The following GPC6 variants were observed in gnomAD, a reference collection of about 807,000 sequenced individuals.
GPC6 encodes glypican-6.
GPC6 carries 14 observed loss-of-function variants against 55.2 expected under a neutral mutation model. The ratio of observed to expected loss-of-function variants is 0.25; its 90% CI spans 0.17 to 0.40. The LOEUF (loss-of-function observed/expected upper bound fraction) is 0.40, where lower values mean the gene tolerates loss of function less well. Among genes scored for constraint, GPC6 ranks in the 10% least tolerant of loss-of-function variants. The pLI, the probability that GPC6 is intolerant of heterozygous loss-of-function variation, is 1.00. For missense variants in GPC6, 641 were observed against 708.5 expected, an observed-to-expected ratio of 0.90 and a Z score of 1.08; for synonymous variants, 278 against 259.6, an observed-to-expected ratio of 1.07 and a Z score of -0.68.
At chr13:93,765,041 C>T (rs1351673743) in intron 2 of GPC6, among the ~76,000 whole-genome samples, 1 of 152,108 alleles carries the variant, frequency 6.6e-6, no homozygotes, top group Non-Finnish European at 1.5e-5. Context: ...CCTCGCGATC[C>T]ACCCTCCTCA....
Position 93,445,072 on chromosome 13 carries a change from T to G in GPC6, c.161-100191T>G, listed in dbSNP as rs185190532. Among the ~76,000 whole-genome samples the G allele has an allele frequency of 1.6e-3, 246 of 152,302 alleles. 1 individual carries two copies. Among genetic ancestry groups the G allele is most frequent in the Middle Eastern group, 3.4e-3 (1 of 294 alleles). ...TCACTTGGTCTTTGTTTATGGTGAG[T>G]TGGAAGCAAACATTTCTGCTATAGT... is the stretch of plus-strand genomic sequence containing the variant. On this transcript the variant is annotated intron_variant, in intron 1 of 8. Transcript: ENST00000377047.
intron 4 of GPC6, among the ~76,000 whole-genome samples, chr13:94,061,138 T>A (rs1263274364): frequency 6.6e-6 from 1 of 152,152 alleles, no homozygotes; most frequent in Non-Finnish European, 1.5e-5. Context: ...GCCAGGTGGG[T>A]TGTAAAATAA....
intron 1 of GPC6, among the ~76,000 whole-genome samples, chr13:93,308,689 G>A (rs1453150919): frequency 6.6e-6 from 1 of 152,156 alleles, no homozygotes; most frequent in African/African-American, 2.4e-5. Flanking sequence ...TGATCTGCCC[G>A]CCTTGGCCTC....
intron 3 of GPC6, among the ~76,000 whole-genome samples, chr13:93,848,300 G>A (rs1888271387): frequency 6.6e-6 from 1 of 152,030 alleles, no homozygotes; most frequent in South Asian, 2.1e-4. Context: ...ATTGAAAATT[G>A]AGTTTAGAAA....
chr13:93,907,032 T>A (rs114503165), intron 3 of GPC6, among the ~76,000 whole-genome samples: 3,089 of 152,254 alleles, frequency 0.02, 120 homozygotes, highest in African/African-American at 0.071. Flanking sequence ...TGTGTCACAG[T>A]GATCTGATGA....
At chr13:94,176,779 C>T (rs1888790683) in intron 4 of GPC6, among the ~76,000 whole-genome samples, 1 of 152,068 alleles carries the variant, frequency 6.6e-6, no homozygotes, top group African/African-American at 2.4e-5. Context: ...TAAATGTTTC[C>T]TCAGAACCCA....
intron 4 of GPC6, among the ~76,000 whole-genome samples, chr13:94,258,447 C>G (rs1282785617): frequency 6.6e-6 from 1 of 152,122 alleles, no homozygotes; most frequent in East Asian, 1.9e-4. Context: ...ATATTTCACA[C>G]CAAAAGAAGA....
At chr13:94,394,848 G>A (rs1330576591) in intron 7 of GPC6, among the ~76,000 whole-genome samples, 2 of 152,182 alleles carry the variant, frequency 1.3e-5, no homozygotes, top group African/African-American at 2.4e-5. Context: ...CACAGTTAGA[G>A]GCTGGGTTTA....
chr13:93,981,097 T>A (rs974731241), intron 3 of GPC6, among the ~76,000 whole-genome samples: 4 of 152,156 alleles, frequency 2.6e-5, no homozygotes, highest in Admixed American at 2.0e-4. Flanking sequence ...AAGAGAAAAC[T>A]AAGAGATATC....
intron 5 of GPC6, among the ~76,000 whole-genome samples, chr13:94,287,072 C>G (rs1892553359): frequency 6.6e-6 from 1 of 152,136 alleles, no homozygotes; most frequent in African/African-American, 2.4e-5. Context: ...CTGTACAACA[C>G]AAATGCCAGG....
intron 2 of GPC6, among the ~76,000 whole-genome samples, chr13:93,603,251 G>A (rs1393099726): frequency 6.6e-6 from 1 of 152,064 alleles, no homozygotes; most frequent in Admixed American, 6.6e-5. Context: ...CAAGCGATCT[G>A]CCCACTTCAG....
chr13:93,674,676 G>A (rs1881510617), intron 2 of GPC6, among the ~76,000 whole-genome samples: 1 of 152,196 alleles, frequency 6.6e-6, no homozygotes, highest in South Asian at 2.1e-4. Flanking sequence ...AATGAGGAGT[G>A]TTGGAGACAT....
chr13:94,178,782 T>C (rs572219373), intron 4 of GPC6, among the ~76,000 whole-genome samples: 86 of 152,328 alleles, frequency 5.6e-4, no homozygotes, highest in Middle Eastern at 3.4e-3. Context: ...CATTCTCTTG[T>C]TGTATTGCAG....
chr13:93,390,045 A>G (rs1443749611), intron 1 of GPC6, among the ~76,000 whole-genome samples: 1 of 151,698 alleles, frequency 6.6e-6, no homozygotes, highest in Non-Finnish European at 1.5e-5. Context: ...TTTCTCCACC[A>G]GAAGCCTGGA....
At chr13:93,620,046 T>C (rs1406899779) in intron 2 of GPC6, among the ~76,000 whole-genome samples, 1 of 151,918 alleles carries the variant, frequency 6.6e-6, no homozygotes, top group Non-Finnish European at 1.5e-5. Context: ...AACTGCTGAC[T>C]TATCATGTAA....
chr13:94,274,368 A>C (rs555677927), intron 4 of GPC6, among the ~76,000 whole-genome samples: 2 of 152,084 alleles, frequency 1.3e-5, no homozygotes, highest in African/African-American at 4.8e-5. Flanking sequence ...ATTTGGCCTT[A>C]GTTCTTTGGT....
chr13:93,255,538 G>C (rs1876923807), intron 1 of GPC6, among the ~76,000 whole-genome samples: 1 of 152,048 alleles, frequency 6.6e-6, no homozygotes. Context: ...CCCCTACATG[G>C]AATTCAAGCT....
chr13:93,285,626 G>GTGTGTGTGTGTGTGTA (rs1365246715), intron 1 of GPC6, among the ~76,000 whole-genome samples: 25 of 137,572 alleles, frequency 1.8e-4, no homozygotes, highest in African/African-American at 6.4e-4. Flanking sequence ...CTGTGTGTGT[G>GTGTGTGTGTGTGTGTA]TGTGTGTGTG....
intron 4 of GPC6, among the ~76,000 whole-genome samples, chr13:94,173,539 A>G (rs985584350): frequency 6.6e-6 from 1 of 152,154 alleles, no homozygotes; most frequent in African/African-American, 2.4e-5. Flanking sequence ...GAGCACTTAC[A>G]AGTGTTTTCC....
Sources: allele counts gnomAD v4.1 joint callset (sites outside exome capture counted in the v4.1 genomes callset), GRCh38; gene constraint gnomAD v4.1.1; transcripts MANE v1.5; gene names NCBI Gene and HGNC (gene_info 2026-07-23, HGNC 2026-07-21).